Variants in RPE observed in about 807,000 individuals in gnomAD.
The protein encoded by RPE is ribulose-5-phosphate-3-epimerase, also known as ribulose-phosphate 3-epimerase.
A neutral mutation model predicts 24.6 loss-of-function variants in RPE; 16 were observed. The ratio of observed to expected loss-of-function variants is 0.65; its 90% CI spans 0.44 to 0.99. The LOEUF (loss-of-function observed/expected upper bound fraction) is 0.99. Among genes scored for constraint, RPE ranks in the 50% least tolerant of loss-of-function variants. The pLI is 0.00. For synonymous variants in RPE, 93 were observed against 98.4 expected, an observed-to-expected ratio of 0.94 and a Z score of 0.33; for missense variants, 240 against 294.5, an observed-to-expected ratio of 0.81 and a Z score of 1.35.
intron 4 of RPE, among the ~76,000 whole-genome samples, chr2:210,017,212 T>C (rs1039157980): frequency 2.6e-5 from 4 of 152,240 alleles, no homozygotes; most frequent in Non-Finnish European, 5.9e-5. Flanking sequence ...TCATTGACTA[T>C]TGAGGATTTG....
At position 210,019,692 on chromosome 2, in the gene RPE, T is replaced by C; in HGVS notation, c.588T>C (p.Ser196=). ...AGGCAGGAGCTAACATGATTGTGTC[T>C]GGCAGTGCTATTATGAGGAGTGAAG... The part of the protein sequence containing the change: ...CAEAGANMIV[S]GSAIMRSEDP... Residue 196 remains serine, a synonymous_variant, in exon 6 of 6, where the codon TCT becomes TCC. Transcript: ENST00000359429. The C allele has an allele frequency of 3.1e-6, 5 of 1,613,330 alleles. No homozygotes were observed. Among genetic ancestry groups the C allele is most frequent in the Non-Finnish European group, 4.2e-6 (5 of 1,179,400 alleles).
At chr2:210,006,287 A>G (rs1402114057) in intron 1 of RPE, among the ~76,000 whole-genome samples, 1 of 152,206 alleles carries the variant, frequency 6.6e-6, no homozygotes, top group Admixed American at 6.5e-5. Context: ...AGGCTGAGGT[A>G]GAGACTGTAA....
intron 2 of RPE, 98 bp downstream of exon 2, chr2:210,009,834 C>T: frequency 6.6e-7 from 1 of 1,503,940 alleles, no homozygotes; most frequent in African/African-American, 1.4e-5. Context: ...GGCACCCTTT[C>T]CCCAACTTTC....
rs763950562 is a variant in RPE at position 210,016,599 on chromosome 2, G to A, written c.435G>A (p.Pro145=). ...TGGCCTTGGTTATGACAGTGGAACC[G>A]GGGTTTGGAGGGCAGAAATTCATGG... ...IDMALVMTVE[P]GFGGQKFMED... Residue 145 remains proline (P), a synonymous_variant, in exon 4 of 6, where the codon CCG becomes CCA. Transcript: ENST00000359429. 62 of 1,614,116 alleles carry A rather than the reference G, an allele frequency of 3.8e-5. No homozygotes were observed. Among genetic ancestry groups the A allele is most frequent in the African/African-American group, 2.7e-4 (20 of 74,936 alleles).
At chr2:210,012,613 G>C (rs925379269) in intron 2 of RPE, among the ~76,000 whole-genome samples, 5 of 152,212 alleles carry the variant, frequency 3.3e-5, no homozygotes, top group Non-Finnish European at 7.3e-5. Flanking sequence ...CTTTCCTCCA[G>C]AACACTATGT....
intron 2 of RPE, among the ~76,000 whole-genome samples, chr2:210,011,965 A>G (rs1299968495): frequency 1.3e-5 from 2 of 151,760 alleles, no homozygotes. Flanking sequence ...AGTAGGTGTA[A>G]GTCACTGAGC....
intron 5 of RPE, among the ~76,000 whole-genome samples, chr2:210,019,138 C>T (rs1275864623): frequency 6.6e-6 from 1 of 152,144 alleles, no homozygotes; most frequent in Non-Finnish European, 1.5e-5. Flanking sequence ...AAAGCCACTT[C>T]AAAACCATTC....
chr2:210,006,688 T>G (rs1417205060), intron 1 of RPE, among the ~76,000 whole-genome samples: 1 of 152,242 alleles, frequency 6.6e-6, no homozygotes, highest in African/African-American at 2.4e-5. Flanking sequence ...AAGAACAGTA[T>G]GTGAAATTCA....
At chr2:210,018,237 G>A in intron 5 of RPE, 3 of 1,525,430 alleles carry the variant, frequency 2.0e-6, no homozygotes, top group Non-Finnish European at 2.6e-6. Flanking sequence ...ACCAAGGGGG[G>A]AAAATAGATA....
intron 2 of RPE, among the ~76,000 whole-genome samples, chr2:210,015,589 TTGAA>T (rs1322868858): frequency 1.3e-5 from 2 of 152,330 alleles, no homozygotes; most frequent in East Asian, 3.9e-4. Context: ...GCTCGATAAA[TTGAA>T]AGAATAAATG....
intron 2 of RPE, among the ~76,000 whole-genome samples, chr2:210,013,486 T>C (rs1352405741): frequency 1.3e-5 from 2 of 152,022 alleles, no homozygotes; most frequent in Non-Finnish European, 2.9e-5. Flanking sequence ...TAGCTAATTA[T>C]TCTGTTGTTG....
Position 210,009,675 on chromosome 2 carries a change from C to T in RPE, c.141C>T (p.Ile47=), listed in dbSNP as rs1044501997. 44 of 1,614,140 alleles carry T rather than the reference C, an allele frequency of 2.7e-5. No homozygotes were observed. The highest frequency in any genetic ancestry group is 3.6e-5 in the Non-Finnish European group (43 of 1,180,010). The part of the protein sequence containing the change: ...DVMDGHFVPN[I]TFGHPVVESL... ...CTTGTAGGCATTTTGTTCCCAACATCACCTTTGGTCACCCTGTGGTAGAAA... is the reference window on the plus strand; with the variant it reads ...CTTGTAGGCATTTTGTTCCCAACATTACCTTTGGTCACCCTGTGGTAGAAA... Residue 47 remains isoleucine, a synonymous_variant, in exon 2 of 6, where the codon ATC becomes ATT. Coordinates refer to ENST00000359429, the MANE Select transcript of RPE (RefSeq NM_199229.3).
chr2:210,018,345 T>G, intron 5 of RPE: 1 of 1,412,714 alleles, frequency 7.1e-7, no homozygotes. Context: ...GATGAAAATC[T>G]AGGCCTGATA....
chr2:210,017,692 A>G, intron 5 of RPE, 133 bp downstream of exon 5: 1 of 741,912 alleles, frequency 1.3e-6, no homozygotes, highest in Non-Finnish European at 2.3e-6. Context: ...TTTTTTGTTC[A>G]CATGTACAAC....
chr2:210,008,726 C>T (rs765104410), intron 1 of RPE, among the ~76,000 whole-genome samples: 3 of 150,108 alleles, frequency 2.0e-5, no homozygotes, highest in South Asian at 2.1e-4. Context: ...AGGTAAGTCT[C>T]GCTTTGTCGC....
chr2:210,003,761 A>G (rs942803736), intron 1 of RPE, among the ~76,000 whole-genome samples: 3 of 152,190 alleles, frequency 2.0e-5, no homozygotes, highest in Non-Finnish European at 4.4e-5. Flanking sequence ...TCCCTCATTC[A>G]GTTTGCAAAT....
In RPE at chr2:210,017,837, C is replaced by T. The variant is rs761845988; in HGVS notation, c.564+278C>T. The T allele has an allele frequency of 1.7e-5, 10 of 576,066 alleles. No individual in the cohort carries two copies. Among genetic ancestry groups the T allele is most frequent in the South Asian group, 3.5e-5 (2 of 56,912 alleles). The allele number at this position is 576,066 out of a possible 1,614,324, so 35.7% of individuals were successfully genotyped here. On this transcript the variant is annotated intron_variant, in intron 5 of 5. Coordinates refer to ENST00000359429, the MANE Select transcript of RPE (RefSeq NM_199229.3). ...TCTGCTCACTGCAATCTCTGCCTGC[C>T]GGGTTCAAGCGATTCTCCTGCCTCA...
At chr2:210,015,222 C>T (rs2125080640) in intron 2 of RPE, among the ~76,000 whole-genome samples, 2 of 152,352 alleles carry the variant, frequency 1.3e-5, no homozygotes, top group Middle Eastern at 6.8e-3. Context: ...CCTCAGCTCT[C>T]TTTGCTCTTA....
In RPE at chr2:210,021,761, C is replaced by CA. The variant is rs1424471736; in HGVS notation, c.*1972dup. 1.3e-5 allele frequency: 2 copies of CA among 151,958 alleles called. No individual in the cohort carries two copies. The highest frequency in any genetic ancestry group is 4.8e-5 in the African/African-American group (2 of 41,380). 9.4% of individuals were successfully genotyped at this position (151,958 alleles called of 1,614,324 possible). On this transcript the variant is annotated 3_prime_UTR_variant, in exon 6 of 6. Transcript: ENST00000359429. ...AAAAGTGAGTTATATAAATTGTCCT[C>CA]AACTTTCACATAGGAAAAAAATGGT...
Sources: gnomAD v4.1 joint callset for allele counts (sites outside exome capture counted in the v4.1 genomes callset) on GRCh38, gnomAD v4.1.1 for gene constraint, MANE v1.5 for transcripts, NCBI Gene and HGNC (gene_info 2026-07-23, HGNC 2026-07-21) for gene names.